Variants in KATNAL1 observed in about 807,000 individuals in gnomAD.
The protein encoded by KATNAL1 is katanin p60 ATPase-containing subunit A-like 1.
A neutral mutation model predicts 55.2 loss-of-function variants in KATNAL1; 32 were observed. The ratio of observed to expected loss-of-function variants is 0.58; its 90% confidence interval spans 0.44 to 0.78. The LOEUF is 0.78. Among genes scored for constraint, KATNAL1 ranks in the 30% least tolerant of loss-of-function variants. The pLI, the probability that KATNAL1 is intolerant of heterozygous loss-of-function variation, is 0.00. For synonymous variants in KATNAL1, 193 were observed against 193.6 expected (o/e 1.00, Z 0.02); for missense variants, 466 against 600.9 (o/e 0.78, Z 2.35).
At chr13:30,218,762 C>T (rs1311413517) in intron 9 of KATNAL1, among the ~76,000 whole-genome samples, 4 of 152,092 alleles carry the variant, frequency 2.6e-5, no homozygotes, top group African/African-American at 9.7e-5. Flanking sequence ...GTAACATGGC[C>T]CAGCAGAGAT....
chr13:30,234,049 A>G (rs1409085787), intron 6 of KATNAL1, among the ~76,000 whole-genome samples: 4 of 152,200 alleles, frequency 2.6e-5, no homozygotes, highest in African/African-American at 9.7e-5. Flanking sequence ...AAATAACTAG[A>G]AGAGAATAAT....
intron 4 of KATNAL1, among the ~76,000 whole-genome samples, chr13:30,245,782 G>T (rs1428269051): frequency 6.6e-6 from 1 of 152,116 alleles, no homozygotes; most frequent in Non-Finnish European, 1.5e-5. Context: ...AATCATGAGT[G>T]AACTTCCATT....
Position 30,238,572 on chromosome 13 carries a change from T to C in KATNAL1, c.726+1888A>G, listed in dbSNP as rs530721003. 6.6e-5 allele frequency among the ~76,000 whole-genome samples: 10 copies of C among 152,310 alleles called. No homozygotes were observed. In the East Asian group the frequency reaches 9.6e-4, roughly 15 times the overall value. On this transcript the variant is annotated intron_variant, in intron 6 of 10. Transcript: ENST00000380615. ...CATCTCCAAAATGTCTCCTCCAACA[T>C]AGCGAAATCCTCACAACCCTACAAA... is the stretch of plus-strand genomic sequence containing the variant.
At chr13:30,279,677 T>C (rs529085868) in intron 3 of KATNAL1, among the ~76,000 whole-genome samples, 1 of 152,292 alleles carries the variant, frequency 6.6e-6, no homozygotes, top group Admixed American at 6.5e-5. Flanking sequence ...AAATTGACTG[T>C]AGGCCCAACT....
intron 8 of KATNAL1, 131 bp from the exon 9 acceptor site, chr13:30,227,677 T>C (rs1875645361): frequency 1.3e-6 from 1 of 759,550 alleles, no homozygotes; most frequent in African/African-American, 1.8e-5. Flanking sequence ...CTCTGTGTGG[T>C]GGCAAAACCA....
At chr13:30,211,360 C>A (rs1873672122) in intron 9 of KATNAL1, among the ~76,000 whole-genome samples, 1 of 152,180 alleles carries the variant, frequency 6.6e-6, no homozygotes, top group Non-Finnish European at 1.5e-5. Context: ...GCAGGCATCA[C>A]AACACTTCAC....
At chr13:30,234,959 A>G (rs759956256) in intron 6 of KATNAL1, among the ~76,000 whole-genome samples, 2 of 152,196 alleles carry the variant, frequency 1.3e-5, no homozygotes, top group African/African-American at 4.8e-5. Flanking sequence ...TGCCAACAAG[A>G]CTACTCAGGA....
chr13:30,295,488 G>A (rs753821939), intron 1 of KATNAL1, among the ~76,000 whole-genome samples: 13 of 152,230 alleles, frequency 8.5e-5, no homozygotes, highest in African/African-American at 2.9e-4. Context: ...ACGGGGTAGG[G>A]CACAGTGGCT....
intron 4 of KATNAL1, among the ~76,000 whole-genome samples, chr13:30,247,262 G>A (rs75491355): frequency 0.01 from 1,541 of 152,238 alleles, 24 homozygotes; most frequent in African/African-American, 0.034. Flanking sequence ...TTTCTAAATT[G>A]CATCCCACTC....
chr13:30,233,040 A>C (rs557474633), intron 6 of KATNAL1, among the ~76,000 whole-genome samples: 1 of 152,312 alleles, frequency 6.6e-6, no homozygotes, highest in Non-Finnish European at 1.5e-5. Context: ...GGGAAATGCT[A>C]CAGGACATCA....
intron 3 of KATNAL1, among the ~76,000 whole-genome samples, chr13:30,259,515 G>A (rs1221219254): frequency 6.6e-6 from 1 of 152,172 alleles, no homozygotes; most frequent in Non-Finnish European, 1.5e-5. Flanking sequence ...GTGGGTGTGC[G>A]CACCGTGCAC....
chr13:30,295,140 A>G (rs922928698), intron 1 of KATNAL1, among the ~76,000 whole-genome samples: 20 of 152,192 alleles, frequency 1.3e-4, no homozygotes, highest in African/African-American at 4.6e-4. Context: ...CAACTTTCAA[A>G]TCTTATTATT....
intron 1 of KATNAL1, among the ~76,000 whole-genome samples, chr13:30,293,968 T>C (rs1882307497): frequency 1.3e-5 from 2 of 152,234 alleles, no homozygotes; most frequent in African/African-American, 4.8e-5. Context: ...TGTAATTGTA[T>C]TGGGGCACCA....
At chr13:30,261,862 G>T (rs970771323) in intron 3 of KATNAL1, among the ~76,000 whole-genome samples, 4 of 152,096 alleles carry the variant, frequency 2.6e-5, no homozygotes, top group African/African-American at 9.6e-5. Flanking sequence ...TCTGCACCAA[G>T]CGGACCTAAT....
intron 9 of KATNAL1, among the ~76,000 whole-genome samples, chr13:30,223,057 T>C (rs1361429597): frequency 6.6e-6 from 1 of 151,682 alleles, no homozygotes; most frequent in Non-Finnish European, 1.5e-5. Flanking sequence ...ATCGCGCCAC[T>C]GCACTCCCGC....
At chr13:30,233,863 GT>G in intron 6 of KATNAL1, among the ~76,000 whole-genome samples, 1 of 152,312 alleles carries the variant, frequency 6.6e-6, no homozygotes, top group Middle Eastern at 3.4e-3. Flanking sequence ...CATATCACAT[GT>G]TTTCATTCAT....
Position 30,204,818 on chromosome 13 carries a change from C to T in KATNAL1, c.*3722G>A, listed in dbSNP as rs1872965414. ...AGCCCTGAGCTATACAGCTAGACCA[C>T]CGCATGTTTTCCCCTTCCAAAATGG... On this transcript the variant is annotated 3_prime_UTR_variant, in exon 11 of 11. Coordinates refer to ENST00000380615, the MANE Select transcript of KATNAL1 (RefSeq NM_032116.5). The T allele has an allele frequency of 1.3e-5, 2 of 151,470 alleles. No individual in the cohort carries two copies. Among genetic ancestry groups the T allele is most frequent in the South Asian group, 2.1e-4 (1 of 4,830 alleles). 9.4% of individuals were successfully genotyped at this position (151,470 alleles called of 1,614,324 possible). A position where few individuals can be genotyped will look rare whatever the true frequency, so the allele number is the denominator to read the frequency against.
intron 9 of KATNAL1, among the ~76,000 whole-genome samples, chr13:30,220,190 G>A (rs1394231497): frequency 6.6e-6 from 1 of 152,176 alleles, no homozygotes. Context: ...GCTGGGCACA[G>A]TGGCTTATGC....
At position 30,205,816 on chromosome 13, in the gene KATNAL1, C is replaced by G. The variant is rs1261040109; in HGVS notation, c.*2724G>C. The G allele has an allele frequency of 6.9e-6, 1 of 144,216 alleles. No individual in the cohort carries two copies. The highest frequency in any genetic ancestry group is 1.4e-5 in the Non-Finnish European group (1 of 69,034). 8.9% of individuals were successfully genotyped at this position (144,216 alleles called of 1,614,324 possible). A position where few individuals can be genotyped will look rare whatever the true frequency, so the allele number is the denominator to read the frequency against. On this transcript the variant is annotated 3_prime_UTR_variant, in exon 11 of 11. Transcript: ENST00000380615. ...TCACGCCTATAAGGCAACACACTGTCTTCTGCAATAAAGACTCTGTGTGTG... is the reference window on the plus strand; with the variant it reads ...TCACGCCTATAAGGCAACACACTGTGTTCTGCAATAAAGACTCTGTGTGTG...
Sources: allele counts gnomAD v4.1 joint callset (sites outside exome capture counted in the v4.1 genomes callset), GRCh38; gene constraint gnomAD v4.1.1; transcripts MANE v1.5; gene names NCBI Gene and HGNC (gene_info 2026-07-23, HGNC 2026-07-21).